EYA4: variants seen among roughly 807,000 people sequenced by gnomAD.
The protein encoded by EYA4 is protein phosphatase EYA4.
EYA4 carries 31 observed loss-of-function variants against 87.9 expected under a neutral mutation model. The ratio of observed to expected loss-of-function variants is 0.35; its 90% CI spans 0.27 to 0.48. The LOEUF (loss-of-function observed/expected upper bound fraction) is 0.48. Ranked by LOEUF, EYA4 falls within the 20% of genes least tolerant of loss-of-function variation. The pLI is 0.99. For missense variants in EYA4, 678 were observed against 761.4 expected (o/e 0.89, Z 1.29); for synonymous variants, 263 against 270.6 (o/e 0.97, Z 0.28).
At position 133,529,718 on chromosome 6, in the gene EYA4, C is replaced by T. The variant is rs1396602050; in HGVS notation, c.*913C>T. The stretch of plus-strand genomic sequence containing the variant: ...AATAATTGTATGAGGCAACTATTTG[C>T]GCATCCAACCATGAGTGGAAGGTTT... On this transcript the variant is annotated 3_prime_UTR_variant, in exon 20 of 20. Coordinates refer to ENST00000355286, the MANE Select transcript of EYA4 (RefSeq NM_004100.5). 15 of 984,636 alleles carry T rather than the reference C, an allele frequency of 1.5e-5. No individual in the cohort carries two copies. Among genetic ancestry groups the T allele is most frequent in the African/African-American group, 3.5e-5 (2 of 57,194 alleles). The allele number at this position is 984,636 out of a possible 1,614,324, so 61.0% of individuals were successfully genotyped here.
rs149129005 is a variant in EYA4 at position 133,359,520 on chromosome 6, G to A, written c.34-22872G>A. 9.5e-4 allele frequency among the ~76,000 whole-genome samples: 145 copies of A among 152,204 alleles called. 1 individual carries two copies. In the Middle Eastern group the frequency reaches 0.01, roughly 11 times the overall value. On this transcript the variant is annotated intron_variant, in intron 2 of 19. Coordinates refer to ENST00000355286, the MANE Select transcript of EYA4 (RefSeq NM_004100.5). ...CAGCAATTCCCTTATCTGTTTTTGAGGAGCTGCAGACATAGAAACCAACAT... is the reference window on the plus strand; with the variant it reads ...CAGCAATTCCCTTATCTGTTTTTGAAGAGCTGCAGACATAGAAACCAACAT...
At chr6:133,274,689 C>T in intron 1 of EYA4, 27 bp from the exon 2 acceptor site, 4 of 1,028,012 alleles carry the variant, frequency 3.9e-6, no homozygotes, top group Admixed American at 1.7e-5. Context: ...AACATTTTTC[C>T]CCTTTGTTTC....
At chr6:133,330,976 AT>A (rs1220594017) in intron 2 of EYA4, among the ~76,000 whole-genome samples, 1 of 147,376 alleles carries the variant, frequency 6.8e-6, no homozygotes, top group Non-Finnish European at 1.5e-5. Context: ...AAATAAACAA[AT>A]TCTGGTTTTC....
intron 3 of EYA4, among the ~76,000 whole-genome samples, chr6:133,423,173 G>C (rs1205482628): frequency 6.6e-6 from 1 of 152,110 alleles, no homozygotes; most frequent in Non-Finnish European, 1.5e-5. Flanking sequence ...TAAGGAAAGG[G>C]GAAGGAGAGA....
chr6:133,279,332 T>C (rs1777435862), intron 2 of EYA4, among the ~76,000 whole-genome samples: 1 of 152,148 alleles, frequency 6.6e-6, no homozygotes, highest in South Asian at 2.1e-4. Flanking sequence ...ACATTGTTAC[T>C]AAATCAATTC....
chr6:133,343,772 T>C (rs759653862), intron 2 of EYA4, among the ~76,000 whole-genome samples: 1 of 151,950 alleles, frequency 6.6e-6, no homozygotes, highest in African/African-American at 2.4e-5. Flanking sequence ...GAGTGAGATA[T>C]GGGTTAAAGG....
chr6:133,286,000 A>T (rs1191852993), intron 2 of EYA4, among the ~76,000 whole-genome samples: 4 of 152,162 alleles, frequency 2.6e-5, no homozygotes, highest in Non-Finnish European at 4.4e-5. Context: ...TTTCTGGTGC[A>T]TCTCAGTTTC....
chr6:133,506,691 A>C (rs1308972277), intron 14 of EYA4, among the ~76,000 whole-genome samples: 2 of 152,202 alleles, frequency 1.3e-5, no homozygotes, highest in East Asian at 3.8e-4. Context: ...ATGCATTTAA[A>C]TGCATTTATT....
At chr6:133,323,632 G>A (rs1319648688) in intron 2 of EYA4, among the ~76,000 whole-genome samples, 1 of 152,082 alleles carries the variant, frequency 6.6e-6, no homozygotes, top group Admixed American at 6.6e-5. Context: ...AGTTGATAAT[G>A]AGGTTCTAGG....
intron 3 of EYA4, among the ~76,000 whole-genome samples, chr6:133,436,423 A>ATGACTTTATCTACATTT (rs1562418949): frequency 6.6e-6 from 1 of 152,126 alleles, no homozygotes; most frequent in Non-Finnish European, 1.5e-5. Flanking sequence ...ATGTAACCAA[A>ATGACTTTATCTACATTT]TGACTTTATC....
At chr6:133,268,397 A>G (rs986934881) in intron 1 of EYA4, among the ~76,000 whole-genome samples, 2 of 152,192 alleles carry the variant, frequency 1.3e-5, no homozygotes, top group East Asian at 1.9e-4. Flanking sequence ...TTTGCCATTT[A>G]TGTAATCCAT....
chr6:133,338,707 G>A (rs903985097), intron 2 of EYA4, among the ~76,000 whole-genome samples: 4 of 152,176 alleles, frequency 2.6e-5, no homozygotes, highest in Admixed American at 2.6e-4. Flanking sequence ...CATCATGGCA[G>A]CCCCAGTTGG....
At chr6:133,337,378 T>C (rs1782449414) in intron 2 of EYA4, among the ~76,000 whole-genome samples, 1 of 152,176 alleles carries the variant, frequency 6.6e-6, no homozygotes. Context: ...CATATTATAT[T>C]GTTAATAGGG....
intron 2 of EYA4, among the ~76,000 whole-genome samples, chr6:133,349,603 T>C (rs1243306106): frequency 6.6e-6 from 1 of 151,236 alleles, no homozygotes; most frequent in Non-Finnish European, 1.5e-5. Context: ...GAATGTATGC[T>C]GAAACAAAAT....
chr6:133,264,527 C>T (rs544112563), intron 1 of EYA4, among the ~76,000 whole-genome samples: 16 of 152,292 alleles, frequency 1.1e-4, no homozygotes, highest in African/African-American at 3.4e-4. Flanking sequence ...CCTGTACTGG[C>T]AGAGAGGAGA....
At chr6:133,516,392 AAAG>A in intron 17 of EYA4, among the ~76,000 whole-genome samples, 1 of 152,094 alleles carries the variant, frequency 6.6e-6, no homozygotes, top group Non-Finnish European at 1.5e-5. Context: ...AGTCAAAAAA[AAAG>A]AATCTGTCAG....
At chr6:133,506,057 T>A (rs536795469) in intron 13 of EYA4, 49 bp from the exon 14 acceptor site, 1 of 1,051,188 alleles carries the variant, frequency 9.5e-7, no homozygotes, top group Non-Finnish European at 1.5e-6. Context: ...TTTTTAATAA[T>A]AAGCGCTTAC....
intron 11 of EYA4, among the ~76,000 whole-genome samples, chr6:133,474,075 A>G (rs1250492640): frequency 1.3e-5 from 2 of 152,040 alleles, no homozygotes; most frequent in South Asian, 2.1e-4. Flanking sequence ...GGTTTTTCTC[A>G]ATGATGAATG....
At chr6:133,522,922 G>A (rs959167379) in intron 17 of EYA4, 134 bp from the exon 18 acceptor site, 12 of 715,308 alleles carry the variant, frequency 1.7e-5, no homozygotes, top group Non-Finnish European at 2.7e-5. Flanking sequence ...GTGTCTGTCT[G>A]CTGATAGGCA....
Sources: gnomAD v4.1 joint callset for allele counts (sites outside exome capture counted in the v4.1 genomes callset) on GRCh38, gnomAD v4.1.1 for gene constraint, MANE v1.5 for transcripts, NCBI Gene and HGNC (gene_info 2026-07-23, HGNC 2026-07-21) for gene names.